Variants in CCDC150 observed in about 807,000 individuals in gnomAD.
CCDC150 encodes coiled-coil domain-containing protein 150.
CCDC150 carries 151 observed loss-of-function variants against 156.5 expected under a neutral mutation model. The observed-to-expected ratio is 0.97, with a 90% CI of 0.85 to 1.10. CCDC150 has a LOEUF of 1.10. Ranked by LOEUF, CCDC150 falls within the 50% of genes least tolerant of loss-of-function variation. The pLI, the probability that CCDC150 is intolerant of heterozygous loss-of-function variation, is 0.00. For synonymous variants in CCDC150, 452 were observed against 429.4 expected (o/e 1.05, Z -0.65); for missense variants, 1,312 against 1,268.1 (o/e 1.03, Z -0.53).
At chr2:196,703,360 AAAG>A (rs1444793472) in intron 15 of CCDC150, among the ~76,000 whole-genome samples, 5 of 152,202 alleles carry the variant, frequency 3.3e-5, no homozygotes, top group Non-Finnish European at 7.3e-5. Context: ...ACTACAATAA[AAAG>A]AATTACTAGA....
At chr2:196,664,349 G>T (rs1362381572) in intron 5 of CCDC150, among the ~76,000 whole-genome samples, 3 of 152,194 alleles carry the variant, frequency 2.0e-5, no homozygotes, top group Non-Finnish European at 4.4e-5. Flanking sequence ...TTCCCATGAT[G>T]CCCCTCTGCA....
At chr2:196,706,568 A>G (rs1010090301) in intron 15 of CCDC150, among the ~76,000 whole-genome samples, 2 of 152,220 alleles carry the variant, frequency 1.3e-5, no homozygotes, top group African/African-American at 4.8e-5. Flanking sequence ...GAGTGGTGAG[A>G]GAGGGCATCC....
chr2:196,718,313 G>C (rs1162332390), intron 17 of CCDC150, 190 bp from the exon 18 acceptor site: 1 of 381,442 alleles, frequency 2.6e-6, no homozygotes, highest in East Asian at 4.2e-5. Context: ...TATTGGATTT[G>C]TCTATGTTTA....
rs190297893 is a variant in CCDC150 at position 196,665,641 on chromosome 2, A to G, written c.720A>G (p.Lys240=). 21 of 1,603,358 alleles carry G rather than the reference A, an allele frequency of 1.3e-5. No homozygotes were observed. In the East Asian group the frequency reaches 3.4e-4, roughly 26 times the overall value. Residue 240 remains lysine, a synonymous_variant, in exon 6 of 28, where the codon AAA becomes AAG. Transcript: ENST00000389175. ...AATCAGCATCAGCCATGCTCCTCAA[A>G]ATACAAGAAATGGGATCAACAGTGG... ...LEKSASAMLL[K]IQEMGSTVEV... is the part of the protein sequence containing the mutation.
At chr2:196,689,455 C>A (rs1404204558) in intron 13 of CCDC150, among the ~76,000 whole-genome samples, 6 of 150,376 alleles carry the variant, frequency 4.0e-5, no homozygotes, top group East Asian at 1.9e-4. Context: ...TGAAGAGGTC[C>A]TTCACATCCC....
intron 1 of CCDC150, among the ~76,000 whole-genome samples, chr2:196,642,354 GT>G (rs1423465691): frequency 6.6e-6 from 1 of 152,202 alleles, no homozygotes; most frequent in Admixed American, 6.5e-5. Context: ...ATTGGAGAGT[GT>G]GCGTGTATTT....
chr2:196,639,837 T>C (rs1692102004), intron 1 of CCDC150, 59 bp downstream of exon 1: 4 of 1,510,116 alleles, frequency 2.6e-6, no homozygotes, highest in African/African-American at 1.4e-5. Context: ...AGGCTTCGGC[T>C]CAGATAAGGA....
chr2:196,698,881 CT>C (rs935377074), intron 14 of CCDC150, among the ~76,000 whole-genome samples: 1 of 152,170 alleles, frequency 6.6e-6, no homozygotes, highest in African/African-American at 2.4e-5. Context: ...TGATGTTCCC[CT>C]TCCTGTGTCC....
intron 13 of CCDC150, among the ~76,000 whole-genome samples, chr2:196,692,929 C>T (rs1177922095): frequency 6.6e-6 from 1 of 152,100 alleles, no homozygotes; most frequent in Non-Finnish European, 1.5e-5. Context: ...TAAAATCTCC[C>T]ACTGTTATTG....
At chr2:196,682,410 T>C (rs909821958) in intron 13 of CCDC150, among the ~76,000 whole-genome samples, 9 of 152,096 alleles carry the variant, frequency 5.9e-5, no homozygotes, top group African/African-American at 2.2e-4. Context: ...ACTTTTTTTT[T>C]TGTTGTTATT....
intron 26 of CCDC150, 32 bp from the exon 27 acceptor site, chr2:196,732,001 G>A (rs1698544717): frequency 6.3e-7 from 1 of 1,595,700 alleles, no homozygotes; most frequent in Non-Finnish European, 8.5e-7. Context: ...CTCTTTCTTT[G>A]TGTCTTTTAA....
chr2:196,724,554 A>G (rs1008576639), intron 21 of CCDC150, among the ~76,000 whole-genome samples: 2 of 152,072 alleles, frequency 1.3e-5, no homozygotes, highest in Admixed American at 1.3e-4. Flanking sequence ...GATGGTGGTT[A>G]CTGTTGTTAT....
At chr2:196,665,422 C>G in intron 5 of CCDC150, 145 bp from the exon 6 acceptor site, 1 of 414,816 alleles carries the variant, frequency 2.4e-6, no homozygotes, top group Non-Finnish European at 4.3e-6. Context: ...TAGGGAGAAA[C>G]AAAAGCTTGT....
chr2:196,686,092 G>A (rs1695112211), intron 13 of CCDC150: 1 of 171,320 alleles, frequency 5.8e-6, no homozygotes, highest in African/African-American at 2.4e-5. Flanking sequence ...ACTTATGTTT[G>A]TTTTGGGGCA....
At position 196,718,510 on chromosome 2, in the gene CCDC150, C is replaced by G; in HGVS notation, c.1874C>G (p.Ser625Cys). 6.2e-7 allele frequency: 1 copy of G among 1,607,762 alleles called. No individual in the cohort carries two copies. The highest frequency in any genetic ancestry group is 1.3e-5 in the African/African-American group (1 of 74,916). The stretch of plus-strand genomic sequence containing the variant: ...TTCTTTTTTCCTACTTAGGTGAAAT[C>G]TATTCTTGAAAGAAGTAAAGAGGAG... Reference protein sequence around the residue: ...QADAHLKEVKSILERSKEELS... With the variant: ...QADAHLKEVKCILERSKEELS... Residue 625 changes from serine (S) to cysteine (C), a missense_variant, in exon 18 of 28, where the codon TCT (serine) becomes TGT (cysteine). By Grantham distance (112) the Ser-to-Cys change is moderately radical. Transcript: ENST00000389175.
At chr2:196,676,936 G>A (rs1559235012) in intron 12 of CCDC150, among the ~76,000 whole-genome samples, 1 of 152,188 alleles carries the variant, frequency 6.6e-6, no homozygotes, top group Non-Finnish European at 1.5e-5. Context: ...TACTTATCCG[G>A]CGTTAGTGAA....
chr2:196,662,110 C>T (rs1451813453), intron 5 of CCDC150, among the ~76,000 whole-genome samples: 2 of 152,020 alleles, frequency 1.3e-5, no homozygotes, highest in Non-Finnish European at 2.9e-5. Context: ...TATTAAGCTA[C>T]TCTATATGAT....
At chr2:196,643,620 G>A (rs1692367249) in intron 1 of CCDC150, among the ~76,000 whole-genome samples, 1 of 152,184 alleles carries the variant, frequency 6.6e-6, no homozygotes, top group Non-Finnish European at 1.5e-5. Context: ...ATGTGGGGGA[G>A]CTTCTCCATT....
chr2:196,709,605 C>T (rs1575918431), intron 15 of CCDC150, among the ~76,000 whole-genome samples: 1 of 152,198 alleles, frequency 6.6e-6, no homozygotes, highest in Admixed American at 6.5e-5. Context: ...TTAGAATTTT[C>T]AGCTTTTCTG....
Sources: gnomAD v4.1 joint callset for allele counts (sites outside exome capture counted in the v4.1 genomes callset) on GRCh38, gnomAD v4.1.1 for gene constraint, MANE v1.5 for transcripts, NCBI Gene and HGNC (gene_info 2026-07-23, HGNC 2026-07-21) for gene names.